Variants in KCNB2 observed in about 807,000 individuals in gnomAD.
KCNB2 encodes the protein potassium voltage-gated channel subfamily B member 2, also known as delayed rectifier potassium channel protein.
A neutral mutation model predicts 61.5 loss-of-function variants in KCNB2; 15 were observed. The ratio of observed to expected loss-of-function variants is 0.24; its 90% confidence interval spans 0.16 to 0.38. KCNB2 has a LOEUF of 0.38. KCNB2 is among the 10% of genes least tolerant of loss of function. KCNB2 has a pLI of 1.00. For missense variants in KCNB2, 828 were observed against 1,125.2 expected, an observed-to-expected ratio of 0.74 and a Z score of 3.78; for synonymous variants, 457 against 446.0, an observed-to-expected ratio of 1.02 and a Z score of -0.31.
intron 2 of KCNB2, among the ~76,000 whole-genome samples, chr8:72,784,617 C>T (rs1563384319): frequency 6.6e-6 from 1 of 152,116 alleles, no homozygotes; most frequent in Non-Finnish European, 1.5e-5. Context: ...GGAGTAAAGT[C>T]CCTTATAAAC....
At chr8:72,695,805 A>G (rs544242935) in intron 2 of KCNB2, among the ~76,000 whole-genome samples, 1 of 152,318 alleles carries the variant, frequency 6.6e-6, no homozygotes, top group African/African-American at 2.4e-5. Flanking sequence ...CACTGACAAA[A>G]CTTTGGTCAT....
intron 2 of KCNB2, among the ~76,000 whole-genome samples, chr8:72,869,229 G>A (rs139523576): frequency 3.4e-3 from 519 of 152,314 alleles, no homozygotes; most frequent in Admixed American, 8.2e-3. Flanking sequence ...GTAGATGAGT[G>A]CATCCAGACC....
intron 1 of KCNB2, among the ~76,000 whole-genome samples, chr8:72,543,507 G>A (rs948199281): frequency 6.6e-6 from 1 of 152,306 alleles, no homozygotes; most frequent in Middle Eastern, 3.4e-3. Context: ...ATTGCAAACA[G>A]ATGTGGGTGT....
chr8:72,826,583 C>T (rs1389606326), intron 2 of KCNB2, among the ~76,000 whole-genome samples: 2 of 152,076 alleles, frequency 1.3e-5, no homozygotes, highest in African/African-American at 4.8e-5. Context: ...TTAGATATTT[C>T]CTGAGAGTGT....
intron 2 of KCNB2, among the ~76,000 whole-genome samples, chr8:72,611,939 T>G (rs1333185905): frequency 6.6e-6 from 1 of 152,210 alleles, no homozygotes; most frequent in South Asian, 2.1e-4. Flanking sequence ...TTAATTAATA[T>G]TTTTGCCTGA....
intron 2 of KCNB2, among the ~76,000 whole-genome samples, chr8:72,699,859 A>G (rs917510911): frequency 6.6e-6 from 1 of 152,162 alleles, no homozygotes. Context: ...TACCCAAAGG[A>G]TTATAAATCA....
chr8:72,573,684 G>C (rs756957768), intron 2 of KCNB2, among the ~76,000 whole-genome samples: 1 of 151,232 alleles, frequency 6.6e-6, no homozygotes, highest in Admixed American at 6.6e-5. Flanking sequence ...CTACATTGAG[G>C]CCCCTCTGTG....
At chr8:72,690,942 G>A (rs1289152645) in intron 2 of KCNB2, among the ~76,000 whole-genome samples, 1 of 152,116 alleles carries the variant, frequency 6.6e-6, no homozygotes, top group East Asian at 1.9e-4. Flanking sequence ...ATGTGTAGAA[G>A]TCCTGAGGGT....
intron 2 of KCNB2, among the ~76,000 whole-genome samples, chr8:72,666,982 TAA>T (rs1240137560): frequency 2.4e-5 from 3 of 123,630 alleles, no homozygotes; most frequent in East Asian, 3.8e-4. Flanking sequence ...TTTTTCCACA[TAA>T]GTGTGTGTGT....
At chr8:72,547,915 A>C (rs1806283432) in intron 1 of KCNB2, among the ~76,000 whole-genome samples, 2 of 152,226 alleles carry the variant, frequency 1.3e-5, no homozygotes, top group Admixed American at 1.3e-4. Context: ...TGTGAAAGGA[A>C]GACACAACTG....
At chr8:72,812,371 A>T (rs2129000511) in intron 2 of KCNB2, among the ~76,000 whole-genome samples, 1 of 152,126 alleles carries the variant, frequency 6.6e-6, no homozygotes, top group South Asian at 2.1e-4. Context: ...CAGTTTTTAC[A>T]CTTGTAATTT....
chr8:72,699,796 A>G (rs969526478), intron 2 of KCNB2, among the ~76,000 whole-genome samples: 2 of 152,220 alleles, frequency 1.3e-5, no homozygotes, highest in Middle Eastern at 6.8e-3. Flanking sequence ...GCGATTCCTC[A>G]AGGACCTAGA....
At chr8:72,561,721 A>ATATATATGTG (rs1806522155) in intron 1 of KCNB2, among the ~76,000 whole-genome samples, 5 of 23,630 alleles carry the variant, frequency 2.1e-4, no homozygotes, top group African/African-American at 3.2e-4. Flanking sequence ...ATATATATAT[A>ATATATATGTG]TATATATCTA....
chr8:72,747,651 A>T (rs1276284738), intron 2 of KCNB2, among the ~76,000 whole-genome samples: 1 of 152,180 alleles, frequency 6.6e-6, no homozygotes, highest in African/African-American at 2.4e-5. Context: ...AGAAACAAAG[A>T]ACCTAATTTA....
chr8:72,847,722 T>TA (rs201262571), intron 2 of KCNB2, among the ~76,000 whole-genome samples: 20 of 151,644 alleles, frequency 1.3e-4, no homozygotes, highest in Middle Eastern at 3.4e-3. Context: ...ATGCAAAAAA[T>TA]AAAAAAAACA....
intron 2 of KCNB2, among the ~76,000 whole-genome samples, chr8:72,604,219 C>T (rs1013854171): frequency 5.9e-5 from 9 of 152,090 alleles, no homozygotes; most frequent in African/African-American, 9.7e-5. Context: ...ATACGTTAAA[C>T]GAGTTAAGAT....
At chr8:72,835,902 G>A (rs1809773715) in intron 2 of KCNB2, among the ~76,000 whole-genome samples, 3 of 152,168 alleles carry the variant, frequency 2.0e-5, no homozygotes, top group Admixed American at 1.3e-4. Context: ...GAGTACACAG[G>A]CCTCAACATT....
intron 2 of KCNB2, among the ~76,000 whole-genome samples, chr8:72,856,195 T>C (rs538526399): frequency 6.6e-6 from 1 of 152,278 alleles, no homozygotes; most frequent in South Asian, 2.1e-4. Flanking sequence ...GAAATTAACA[T>C]TAATAATATA....
chr8:72,562,838 A>G (rs1008070741), intron 1 of KCNB2, among the ~76,000 whole-genome samples: 30 of 152,322 alleles, frequency 2.0e-4, no homozygotes, highest in African/African-American at 7.2e-4. Context: ...AAAATGTAAC[A>G]TCATATACAC....
Sources: gnomAD v4.1 joint callset for allele counts (sites outside exome capture counted in the v4.1 genomes callset) on GRCh38, gnomAD v4.1.1 for gene constraint, MANE v1.5 for transcripts, NCBI Gene and HGNC (gene_info 2026-07-23, HGNC 2026-07-21) for gene names.